HGS: variants seen among roughly 807,000 people sequenced by gnomAD.
HGS encodes hepatocyte growth factor-regulated tyrosine kinase substrate, also known as human growth factor-regulated tyrosine kinase substrate.
In HGS, 63 loss-of-function variants were observed where a neutral mutation model predicts 109.7. The ratio of observed to expected loss-of-function variants is 0.57; its 90% CI spans 0.47 to 0.71. The LOEUF (loss-of-function observed/expected upper bound fraction) is 0.71. Among genes scored for constraint, HGS ranks in the 30% least tolerant of loss-of-function variants. The probability of loss-of-function intolerance (pLI) is 0.00; values close to 1 mark genes in which losing one functional copy is unlikely to be tolerated. For missense variants in HGS, 995 were observed against 1,068.3 expected, an observed-to-expected ratio of 0.93 and a Z score of 0.96; for synonymous variants, 546 against 437.3, an observed-to-expected ratio of 1.25 and a Z score of -3.10.
At chr17:81,695,729 C>A in intron 14 of HGS, 57 bp from the exon 15 acceptor site, 1 of 1,538,600 alleles carries the variant, frequency 6.5e-7, no homozygotes, top group South Asian at 1.1e-5. Flanking sequence ...CCAGGCCCCA[C>A]CAGGGAGGCT....
Position 81,701,514 on chromosome 17 carries a change from C to A in HGS, c.2230C>A (p.Pro744Thr), listed in dbSNP as rs769886532. Residue 744 changes from proline (P) to threonine (T), a missense_variant, in exon 22 of 22, where the codon CCC becomes ACC. Coordinates refer to ENST00000329138, the MANE Select transcript of HGS (RefSeq NM_004712.5). ...GQQPMYQQMAPSGGPPQQQPP... is the reference protein window; with the variant it reads ...GQQPMYQQMATSGGPPQQQPP... ...CTGCTTTCCTCCTGCACAGATGGCA[C>A]CCTCTGGCGGTCCCCCCCAGCAGCA... 4.0e-5 allele frequency: 62 copies of A among 1,556,130 alleles called. No homozygotes were observed. The highest frequency in any genetic ancestry group is 5.3e-5 in the Non-Finnish European group (61 of 1,157,526).
chr17:81,689,283 A>C (rs997159931), intron 5 of HGS, among the ~76,000 whole-genome samples: 3 of 152,226 alleles, frequency 2.0e-5, no homozygotes, highest in Admixed American at 6.5e-5. Flanking sequence ...AGGAGAGTGC[A>C]GCCGGGCCTG....
Position 81,701,791 on chromosome 17 carries a change from G to A in HGS, c.*173G>A. The stretch of plus-strand genomic sequence containing the variant: ...CCTCCCTTGTCCTCAGCCTACTGCA[G>A]TCCCTGAGTTAGTCTCTGCTTTCTT... On this transcript the variant is annotated 3_prime_UTR_variant, in exon 22 of 22. Coordinates refer to ENST00000329138, the MANE Select transcript of HGS (RefSeq NM_004712.5). 1.1e-6 allele frequency: 1 copy of A among 931,488 alleles called. No homozygotes were observed. The highest frequency in any genetic ancestry group is 2.1e-5 in the South Asian group (1 of 47,086). The allele number at this position is 931,488 out of a possible 1,614,324, so 57.7% of individuals were successfully genotyped here.
rs143087314 is a variant in HGS, at chr17:81,701,690, C to T, written c.*72C>T. On this transcript the variant is annotated 3_prime_UTR_variant, in exon 22 of 22. Transcript: ENST00000329138. ...GAAACGCCTCGTCTCTAACTGCCGT[C>T]GTCCTGCCTCCCTGTCCTCTACTGC... The T allele has an allele frequency of 5.6e-4, 835 of 1,500,426 alleles. 3 individuals carry two copies. In the African/African-American group the frequency reaches 0.01, roughly 19 times the overall value. 92.9% of individuals were successfully genotyped at this position (1,500,426 alleles called of 1,614,324 possible).
At chr17:81,699,930 C>G (rs926224774) in intron 18 of HGS, among the ~76,000 whole-genome samples, 2 of 150,868 alleles carry the variant, frequency 1.3e-5, no homozygotes, top group Non-Finnish European at 2.9e-5. Flanking sequence ...AAAAACTTAG[C>G]TGGGTGTGGT....
chr17:81,690,978 C>T (rs755657623), intron 7 of HGS: 46 of 532,970 alleles, frequency 8.6e-5, no homozygotes, highest in Non-Finnish European at 1.2e-4. Flanking sequence ...ATGTTTTAAA[C>T]CTAGGGCTAC....
chr17:81,687,976 G>T (rs2037006194), intron 4 of HGS, among the ~76,000 whole-genome samples: 1 of 152,216 alleles, frequency 6.6e-6, no homozygotes, highest in Non-Finnish European at 1.5e-5. Context: ...GTGCTCCTGA[G>T]CTCCTTCAGT....
chr17:81,696,208 C>G, intron 15 of HGS, 149 bp from the exon 16 acceptor site: 1 of 1,125,382 alleles, frequency 8.9e-7, no homozygotes, highest in Non-Finnish European at 1.2e-6. Flanking sequence ...CTGCCCAGGA[C>G]CCTCTGCCTG....
At chr17:81,690,258 G>C in intron 6 of HGS, 24 bp downstream of exon 6, 1 of 1,612,972 alleles carries the variant, frequency 6.2e-7, no homozygotes, top group Non-Finnish European at 8.5e-7. Context: ...GCCGCCAGGG[G>C]TTCTGGAGTC....
intron 5 of HGS, 26 bp from the exon 6 acceptor site, chr17:81,690,156 C>G: frequency 6.2e-7 from 1 of 1,608,850 alleles, no homozygotes; most frequent in Non-Finnish European, 8.5e-7. Context: ...TGGGAGCAGG[C>G]AGTGACTATG....
At position 81,684,012 on chromosome 17, in the gene HGS, C is replaced by T; in HGVS notation, c.-55C>T. 6.4e-7 allele frequency: 1 copy of T among 1,563,934 alleles called. No homozygotes were observed. On this transcript the variant is annotated 5_prime_UTR_variant, in exon 1 of 22. Transcript: ENST00000329138. ...AGGCGGAAGCGGAAGTCGGGGGGCG[C>T]GCCAGCTCGTAGCAGGGGAGCGCCC... is the stretch of plus-strand genomic sequence containing the variant.
chr17:81,694,845 G>A lies in HGS; in HGVS notation c.967G>A (p.Asp323Asn), dbSNP rs375531219. 7.9e-5 allele frequency: 127 copies of A among 1,614,104 alleles called. No homozygotes were observed. The highest frequency in any genetic ancestry group is 1.0e-4 in the Non-Finnish European group (122 of 1,180,040). Residue 323 changes from aspartate (D) to asparagine (N), a missense_variant, in exon 12 of 22, where the codon GAC becomes AAC. Coordinates refer to ENST00000329138, the MANE Select transcript of HGS (RefSeq NM_004712.5). ...NSSAPLAEDI[D>N]PELARYLNRN... is the part of the protein sequence containing the mutation. ...GTCGGCGCCTCTGGCTGAGGACATC[G>A]ACCCTGAGGTAAGGCCCAGCATGGG...
chr17:81,698,969 A>T (rs2037193737), intron 18 of HGS, among the ~76,000 whole-genome samples: 1 of 151,934 alleles, frequency 6.6e-6, no homozygotes, highest in African/African-American at 2.4e-5. Context: ...TGGGAGGCTG[A>T]GGCAAGAGAA....
In HGS at chr17:81,695,948, G is replaced by A. The variant is rs773879831; in HGVS notation, c.1342G>A (p.Gly448Ser). The change falls in exon 15 of 22, where the codon GGC (glycine) becomes AGC (serine). Residue 448 changes from glycine (G) to serine (S), a missense_variant. Physicochemically the swap from Gly to Ser is moderately conservative, Grantham distance 56. This residue lies in a region of HGS where 163 missense variants were observed against 217.8 expected (regional missense o/e 0.75). Coordinates refer to ENST00000329138, the MANE Select transcript of HGS (RefSeq NM_004712.5). ...GCTCTCACTCTTCCAGTCCATCAAC[G>A]GCATGCACCCGCAGCTGCTGGAGCT... Reference protein sequence around the residue: ...AVLSLFQSINGMHPQLLELLN... With the variant: ...AVLSLFQSINSMHPQLLELLN... The A allele has an allele frequency of 2.3e-5, 36 of 1,584,192 alleles. No individual in the cohort carries two copies. The highest frequency in any genetic ancestry group is 4.0e-5 in the African/African-American group (3 of 74,460).
rs1479446993 is a variant in HGS, at chr17:81,697,103, C to A, written c.1882+105C>A. The A allele has an allele frequency of 4.9e-6, 6 of 1,229,982 alleles. No homozygotes were observed. In the Admixed American group the frequency reaches 1.0e-4, roughly 21 times the overall value. The allele number at this position is 1,229,982 out of a possible 1,614,324, so 76.2% of individuals were successfully genotyped here. On this transcript the variant is annotated intron_variant, in intron 18 of 21. Transcript: ENST00000329138. ...ATGGTGCGAAGGGTTTTCCCAGTTG[C>A]CCCGATGTGAATGTTGTCCCTGCTT...
intron 10 of HGS, 38 bp from the exon 11 acceptor site, chr17:81,693,832 C>CTTGG (rs1362037009): frequency 1.3e-6 from 2 of 1,571,792 alleles, no homozygotes; most frequent in Non-Finnish European, 8.6e-7. Flanking sequence ...AGGGGCGTCA[C>CTTGG]GTGCACCCAA....
intron 14 of HGS, among the ~76,000 whole-genome samples, chr17:81,695,426 CG>C (rs1335675433): frequency 6.6e-6 from 1 of 152,230 alleles, no homozygotes; most frequent in Non-Finnish European, 1.5e-5. Flanking sequence ...GTCCAGAGCT[CG>C]GGCCACTCTC....
At position 81,684,039 on chromosome 17, in the gene HGS, C is replaced by T. The variant is rs537595032; in HGVS notation, c.-28C>T. 1.0e-5 allele frequency: 16 copies of T among 1,584,296 alleles called. No individual in the cohort carries two copies. Among genetic ancestry groups the T allele is most frequent in the Admixed American group, 1.8e-5 (1 of 55,802 alleles). On this transcript the variant is annotated 5_prime_UTR_variant, in exon 1 of 22. Coordinates refer to ENST00000329138, the MANE Select transcript of HGS (RefSeq NM_004712.5). ...CCAGCTCGTAGCAGGGGAGCGCCCG[C>T]GGCGTCGGGTTTGGGCTGGAGGTCG...
chr17:81,690,792 C>T (rs968676827), intron 7 of HGS, 50 bp downstream of exon 7: 3 of 1,539,652 alleles, frequency 1.9e-6, no homozygotes, highest in Non-Finnish European at 1.8e-6. Context: ...CACCAGGTCC[C>T]CTGCCGTGCA....
Sources: allele counts gnomAD v4.1 joint callset (sites outside exome capture counted in the v4.1 genomes callset), GRCh38; gene constraint gnomAD v4.1.1; regional missense constraint gnomAD v4.1.1; transcripts MANE v1.5; gene names NCBI Gene and HGNC (gene_info 2026-07-23, HGNC 2026-07-21).